The following MAPK4 variants were observed in gnomAD, a reference collection of about 807,000 sequenced individuals.
MAPK4 encodes the protein Erk3-related.
Under a neutral mutation model 47.7 loss-of-function variants are expected in MAPK4, and 22 were observed. The ratio of observed to expected loss-of-function variants is 0.46; its 90% CI spans 0.33 to 0.66. The LOEUF is 0.66. MAPK4 is among the 30% of genes least tolerant of loss of function. The pLI, the probability that MAPK4 is intolerant of heterozygous loss-of-function variation, is 0.02. For missense variants in MAPK4, 736 were observed against 831.7 expected (o/e 0.88, Z 1.42); for synonymous variants, 390 against 365.7 (o/e 1.07, Z -0.76).
intron 2 of MAPK4, among the ~76,000 whole-genome samples, chr18:50,690,020 C>G (rs1310223053): frequency 6.6e-6 from 1 of 152,122 alleles, no homozygotes; most frequent in Non-Finnish European, 1.5e-5. Flanking sequence ...TATCAGGACT[C>G]CAGGTTCCCA....
intron 3 of MAPK4, among the ~76,000 whole-genome samples, chr18:50,715,440 T>G (rs1598947674): frequency 6.6e-6 from 1 of 152,242 alleles, no homozygotes. Flanking sequence ...CAGAAGTTTT[T>G]GCAATCAAGT....
intron 1 of MAPK4, among the ~76,000 whole-genome samples, chr18:50,582,509 C>G (rs1485999289): frequency 6.6e-6 from 1 of 152,236 alleles, no homozygotes; most frequent in Non-Finnish European, 1.5e-5. Context: ...GCCAGTGGTT[C>G]TCAAACTGTA....
chr18:50,656,054 C>T (rs1350625149), intron 1 of MAPK4, among the ~76,000 whole-genome samples: 2 of 152,098 alleles, frequency 1.3e-5, no homozygotes, highest in African/African-American at 4.8e-5. Context: ...CTAATGAGAT[C>T]CATGCCAGGT....
intron 1 of MAPK4, among the ~76,000 whole-genome samples, chr18:50,616,347 C>T (rs1422135940): frequency 6.6e-6 from 1 of 152,110 alleles, no homozygotes; most frequent in African/African-American, 2.4e-5. Flanking sequence ...CTCTCCTCAG[C>T]CTCTGGAATG....
chr18:50,644,988 T>A (rs944447359), intron 1 of MAPK4, among the ~76,000 whole-genome samples: 1 of 152,040 alleles, frequency 6.6e-6, no homozygotes, highest in African/African-American at 2.4e-5. Context: ...TGGAGAATAA[T>A]GGATGGGATG....
At position 50,603,190 on chromosome 18, in the gene MAPK4, C is replaced by T. The variant is rs554361336; in HGVS notation, c.-871+42947C>T. Reference sequence around the variant, plus strand: ...CATGGGCCATGACCACTGGCCCAGGCCTCTCCCCTGTCATTTCTGTTCTCA... The same window carrying T: ...CATGGGCCATGACCACTGGCCCAGGTCTCTCCCCTGTCATTTCTGTTCTCA... On this transcript the variant is annotated intron_variant, in intron 1 of 5. Coordinates refer to ENST00000400384, the MANE Select transcript of MAPK4 (RefSeq NM_002747.4). Among the ~76,000 whole-genome samples, 11 of 152,258 alleles carry T rather than the reference C, an allele frequency of 7.2e-5. No homozygotes were observed. The East Asian group carries it at 2.1e-3, about 29-fold the overall frequency.
At chr18:50,612,149 T>C (rs1353261543) in intron 1 of MAPK4, among the ~76,000 whole-genome samples, 4 of 152,206 alleles carry the variant, frequency 2.6e-5, no homozygotes, top group Non-Finnish European at 4.4e-5. Context: ...TTATATTTTA[T>C]GGATTTTAGA....
At chr18:50,618,708 T>G (rs1189405498) in intron 1 of MAPK4, among the ~76,000 whole-genome samples, 2 of 152,150 alleles carry the variant, frequency 1.3e-5, no homozygotes, top group African/African-American at 4.8e-5. Context: ...TTTAGAAATG[T>G]TAGAGACCAC....
At chr18:50,703,797 C>G (rs1028538056) in intron 2 of MAPK4, among the ~76,000 whole-genome samples, 1 of 152,194 alleles carries the variant, frequency 6.6e-6, no homozygotes, top group Non-Finnish European at 1.5e-5. Flanking sequence ...GCCAGCCTGT[C>G]CCAAGGGTGT....
Position 50,709,285 on chromosome 18 carries a change from A to G in MAPK4, c.547-5794A>G, listed in dbSNP as rs376107652. ...AGTTTTTCTTCTTCCAAGGAAGTGCAGTGCCAGGGGCCTTCCTGAGGCCTT... is the reference window on the plus strand; with the variant it reads ...AGTTTTTCTTCTTCCAAGGAAGTGCGGTGCCAGGGGCCTTCCTGAGGCCTT... On this transcript the variant is annotated intron_variant, in intron 2 of 5. Transcript: ENST00000400384. Among the ~76,000 whole-genome samples, 141 of 152,308 alleles carry G rather than the reference A, an allele frequency of 9.3e-4. 3 individuals carry two copies. The highest frequency in any genetic ancestry group is 3.4e-3 in the Middle Eastern group (1 of 294).
rs8088866 is a variant in MAPK4 at position 50,657,777 on chromosome 18, C to G, written c.-870-5312C>G. 9.5e-3 allele frequency among the ~76,000 whole-genome samples: 1,437 copies of G among 151,986 alleles called. 22 individuals are homozygous for G. Among genetic ancestry groups the G allele is most frequent in the African/African-American group, 0.032 (1,346 of 41,444 alleles). ...AACATTCAGCCGTGCACAGGATAGT[C>G]CCACTGCTAAGGATCACTTGGCTCA... On this transcript the variant is annotated intron_variant, in intron 1 of 5. Transcript: ENST00000400384.
chr18:50,601,333 C>T (rs1187436119), intron 1 of MAPK4, among the ~76,000 whole-genome samples: 1 of 53,194 alleles, frequency 1.9e-5, no homozygotes, highest in Admixed American at 2.4e-4. Context: ...GACTCTATGT[C>T]AAAAAAAAAA....
At chr18:50,568,346 A>G (rs1048464429) in intron 1 of MAPK4, among the ~76,000 whole-genome samples, 2 of 152,172 alleles carry the variant, frequency 1.3e-5, no homozygotes, top group African/African-American at 4.8e-5. Context: ...TTAGATGGAG[A>G]GATAGAGTGC....
chr18:50,625,115 G>A (rs2042765361), intron 1 of MAPK4, among the ~76,000 whole-genome samples: 1 of 152,194 alleles, frequency 6.6e-6, no homozygotes, highest in East Asian at 1.9e-4. Context: ...GTGGGGAGAA[G>A]CTGAGGCCCA....
intron 1 of MAPK4, among the ~76,000 whole-genome samples, chr18:50,591,665 G>A (rs1240626727): frequency 6.6e-6 from 1 of 151,692 alleles, no homozygotes; most frequent in Non-Finnish European, 1.5e-5. Context: ...GGAGTGTAAG[G>A]CACAGGTAAG....
intron 1 of MAPK4, among the ~76,000 whole-genome samples, chr18:50,574,670 A>T (rs1185116185): frequency 2.0e-5 from 3 of 152,178 alleles, no homozygotes; most frequent in African/African-American, 7.2e-5. Context: ...GAGTTTTAAA[A>T]CTCTCAAAAA....
intron 1 of MAPK4, among the ~76,000 whole-genome samples, chr18:50,643,250 C>T (rs541732380): frequency 1.3e-5 from 2 of 152,374 alleles, no homozygotes; most frequent in East Asian, 1.9e-4. Flanking sequence ...CAGTGGCTCA[C>T]ACCTGTAATC....
At chr18:50,697,940 C>G (rs1909596277) in intron 2 of MAPK4, among the ~76,000 whole-genome samples, 1 of 152,162 alleles carries the variant, frequency 6.6e-6, no homozygotes, top group Admixed American at 6.5e-5. Context: ...CGCTCTTATT[C>G]CCTGTCACTC....
chr18:50,624,423 A>G (rs957829718), intron 1 of MAPK4, among the ~76,000 whole-genome samples: 1 of 151,972 alleles, frequency 6.6e-6, no homozygotes, highest in Non-Finnish European at 1.5e-5. Flanking sequence ...GCAGTGTAGT[A>G]CTGTATATGG....
Sources: gnomAD v4.1 joint callset for allele counts (sites outside exome capture counted in the v4.1 genomes callset) on GRCh38, gnomAD v4.1.1 for gene constraint, MANE v1.5 for transcripts, NCBI Gene and HGNC (gene_info 2026-07-23, HGNC 2026-07-21) for gene names.